The following SKAP2 variants were observed in gnomAD, a reference collection of about 807,000 sequenced individuals.
SKAP2 encodes the protein src kinase-associated phosphoprotein 2.
A neutral mutation model predicts 54.9 loss-of-function variants in SKAP2; 28 were observed. That is an observed-to-expected ratio of 0.51 (90% CI 0.38 to 0.70). The LOEUF is 0.70. SKAP2 is among the 30% of genes least tolerant of loss of function. The pLI is 0.00. For missense variants in SKAP2, 356 were observed against 424.1 expected, an observed-to-expected ratio of 0.84 and a Z score of 1.41; for synonymous variants, 137 against 134.3, an observed-to-expected ratio of 1.02 and a Z score of -0.14.
intron 6 of SKAP2, among the ~76,000 whole-genome samples, chr7:26,732,341 T>C (rs748888900): frequency 6.6e-6 from 1 of 152,206 alleles, no homozygotes; most frequent in African/African-American, 2.4e-5. Flanking sequence ...AGATTTTTCA[T>C]GGATTATGCT....
intron 4 of SKAP2, among the ~76,000 whole-genome samples, chr7:26,837,299 C>A (rs568226562): frequency 4.6e-5 from 7 of 151,948 alleles, no homozygotes; most frequent in Non-Finnish European, 1.0e-4. Context: ...CAAACCTGCA[C>A]GCTCTGCACA....
chr7:26,669,313 T>C lies in SKAP2; in HGVS notation c.*353A>G, dbSNP rs558393743. The C allele has an allele frequency of 3.9e-5, 6 of 152,254 alleles. No homozygotes were observed. In the South Asian group the frequency reaches 8.3e-4, roughly 21 times the overall value. 9.4% of individuals were successfully genotyped at this position (152,254 alleles called of 1,614,324 possible). ...TCCAATGATTAAGAAACATTACAAA[T>C]CACACCAGAAGTAGCAATAGTAGCA... On this transcript the variant is annotated 3_prime_UTR_variant, in exon 13 of 13. Coordinates refer to ENST00000345317, the MANE Select transcript of SKAP2 (RefSeq NM_003930.5).
intron 12 of SKAP2, 89 bp from the exon 13 acceptor site, chr7:26,669,745 G>A (rs1250396811): frequency 6.5e-6 from 1 of 153,732 alleles, no homozygotes; most frequent in Admixed American, 6.5e-5. Flanking sequence ...TTTTAGCCAA[G>A]GAAAAATGTA....
intron 4 of SKAP2, among the ~76,000 whole-genome samples, chr7:26,801,323 C>A (rs925601309): frequency 6.6e-6 from 1 of 152,018 alleles, no homozygotes. Context: ...ATGACAAAAA[C>A]GCTTTAAAAA....
chr7:26,712,100 G>A (rs1454026122), intron 9 of SKAP2, among the ~76,000 whole-genome samples: 2 of 152,154 alleles, frequency 1.3e-5, no homozygotes, highest in Admixed American at 1.3e-4. Context: ...GAGCAGTATA[G>A]GTTGAATATT....
chr7:26,755,955 G>C (rs1782781374), intron 4 of SKAP2, among the ~76,000 whole-genome samples: 1 of 152,110 alleles, frequency 6.6e-6, no homozygotes, highest in Non-Finnish European at 1.5e-5. Flanking sequence ...GCTGTTACAT[G>C]ATGGTGTATA....
rs374798019 is a variant in SKAP2, at chr7:26,670,147, T to C, written c.1033A>G (p.Ile345Val). Residue 345 changes from isoleucine to valine, a missense_variant, in exon 12 of 13, where the codon ATT (isoleucine) becomes GTT (valine). Ile to Val is a conservative substitution (Grantham distance 29). Transcript: ENST00000345317. ...ATGTAGGCTTTAGGCACCAAGCCAA[T>C]GGCTCCCTTCATTTCTCCTACCCAC... is the stretch of plus-strand genomic sequence containing the variant. ...GWWVGEMKGA[I>V]GLVPKAYIME... 1.3e-6 allele frequency: 2 copies of C among 1,586,484 alleles called. No homozygotes were observed. The highest frequency in any genetic ancestry group is 2.7e-5 in the African/African-American group (2 of 74,306).
intron 7 of SKAP2, among the ~76,000 whole-genome samples, chr7:26,726,429 A>G (rs1787710803): frequency 6.6e-6 from 1 of 152,140 alleles, no homozygotes. Context: ...TACATTCCAT[A>G]TTGATGCCTA....
chr7:26,803,815 C>T (rs1783965388), intron 4 of SKAP2, among the ~76,000 whole-genome samples: 1 of 152,136 alleles, frequency 6.6e-6, no homozygotes, highest in Non-Finnish European at 1.5e-5. Context: ...CAGTCATTTG[C>T]AACAACATGG....
intron 3 of SKAP2, among the ~76,000 whole-genome samples, chr7:26,845,092 C>T (rs1028054149): frequency 2.0e-5 from 3 of 152,130 alleles, no homozygotes; most frequent in Non-Finnish European, 4.4e-5. Flanking sequence ...CTGTTGAATT[C>T]AAGTTACCTG....
At chr7:26,761,820 A>G (rs951220647) in intron 4 of SKAP2, among the ~76,000 whole-genome samples, 3 of 152,222 alleles carry the variant, frequency 2.0e-5, no homozygotes, top group Admixed American at 6.5e-5. Flanking sequence ...GAATTGGTTG[A>G]AGCCAGGAGG....
intron 9 of SKAP2, among the ~76,000 whole-genome samples, chr7:26,707,848 A>C (rs1347895921): frequency 6.6e-6 from 1 of 152,202 alleles, no homozygotes. Context: ...ATCCAAGTTT[A>C]TACCATCCTC....
chr7:26,722,385 A>ATTTTTT (rs35643377), intron 9 of SKAP2, among the ~76,000 whole-genome samples: 23 of 89,056 alleles, frequency 2.6e-4, no homozygotes, highest in South Asian at 3.9e-4. Context: ...ATGCAATGCA[A>ATTTTTT]TTTTTTTTTT....
intron 4 of SKAP2, among the ~76,000 whole-genome samples, chr7:26,749,506 T>C (rs1248547090): frequency 2.0e-5 from 3 of 151,990 alleles, no homozygotes; most frequent in African/African-American, 7.2e-5. Flanking sequence ...TCTAGCACTT[T>C]GGGAGGCTGA....
intron 4 of SKAP2, among the ~76,000 whole-genome samples, chr7:26,820,509 T>C (rs879814184): frequency 2.6e-5 from 4 of 152,192 alleles, no homozygotes; most frequent in African/African-American, 7.2e-5. Context: ...CTTCTCAGGA[T>C]TAAGGTTCAT....
intron 9 of SKAP2, among the ~76,000 whole-genome samples, chr7:26,720,051 A>AACAC (rs57945020): frequency 0.017 from 2,450 of 141,764 alleles, 48 homozygotes; most frequent in African/African-American, 0.046. Context: ...ACATATCTGT[A>AACAC]ACACACACAC....
chr7:26,755,116 G>T (rs894953256), intron 4 of SKAP2, among the ~76,000 whole-genome samples: 2 of 152,188 alleles, frequency 1.3e-5, no homozygotes, highest in African/African-American at 4.8e-5. Flanking sequence ...TTACAAATAT[G>T]TTTTATCTAC....
At chr7:26,695,068 G>A (rs924492891) in intron 9 of SKAP2, among the ~76,000 whole-genome samples, 8 of 152,036 alleles carry the variant, frequency 5.3e-5, no homozygotes, top group Middle Eastern at 3.4e-3. Flanking sequence ...CAAGGTATGC[G>A]ATGTTCACAT....
chr7:26,858,785 A>C (rs1208114263), intron 1 of SKAP2, among the ~76,000 whole-genome samples: 1 of 152,208 alleles, frequency 6.6e-6, no homozygotes, highest in East Asian at 1.9e-4. Flanking sequence ...ATTTTTTTGC[A>C]AATGATAAAG....
Sources: allele counts gnomAD v4.1 joint callset (sites outside exome capture counted in the v4.1 genomes callset), GRCh38; gene constraint gnomAD v4.1.1; transcripts MANE v1.5; gene names NCBI Gene and HGNC (gene_info 2026-07-23, HGNC 2026-07-21).